EMCN: variants seen among roughly 807,000 people sequenced by gnomAD.
EMCN encodes the protein MUC-14.
Under a neutral mutation model 38.4 loss-of-function variants are expected in EMCN, and 37 were observed. That is an observed-to-expected ratio of 0.96 (90% CI 0.74 to 1.27). EMCN has a LOEUF of 1.27. EMCN is among the 50% of genes most tolerant of loss of function. The pLI, the probability that EMCN is intolerant of heterozygous loss-of-function variation, is 0.00. For missense variants in EMCN, 318 were observed against 302.8 expected (o/e 1.05, Z -0.37); for synonymous variants, 95 against 100.8 (o/e 0.94, Z 0.35).
intron 5 of EMCN, among the ~76,000 whole-genome samples, chr4:100,426,144 A>G (rs1417739855): frequency 6.6e-6 from 1 of 152,168 alleles, no homozygotes; most frequent in African/African-American, 2.4e-5. Flanking sequence ...TTTTAAAGAC[A>G]GAAGACCTAT....
intron 1 of EMCN, among the ~76,000 whole-genome samples, chr4:100,489,374 GAA>G (rs1296005105): frequency 6.6e-6 from 1 of 152,030 alleles, no homozygotes; most frequent in Non-Finnish European, 1.5e-5. Context: ...ATTTTTTGAG[GAA>G]CCTCCATACA....
intron 4 of EMCN, among the ~76,000 whole-genome samples, chr4:100,449,715 C>G (rs1039846057): frequency 2.0e-5 from 3 of 151,882 alleles, no homozygotes; most frequent in African/African-American, 7.2e-5. Flanking sequence ...TGTAATAATT[C>G]TAGAGGAACA....
At chr4:100,431,884 GT>G (rs1334984473) in intron 5 of EMCN, among the ~76,000 whole-genome samples, 1 of 151,804 alleles carries the variant, frequency 6.6e-6, no homozygotes, top group Non-Finnish European at 1.5e-5. Flanking sequence ...TAATACAGTT[GT>G]TTTCCCCAGA....
At chr4:100,445,802 T>TAAG (rs1727654780) in intron 5 of EMCN, among the ~76,000 whole-genome samples, 1 of 152,206 alleles carries the variant, frequency 6.6e-6, no homozygotes, top group South Asian at 2.1e-4. Context: ...ATTTAGTCTT[T>TAAG]AGCTGCAATT....
intron 2 of EMCN, among the ~76,000 whole-genome samples, chr4:100,476,926 A>T (rs953116894): frequency 6.6e-6 from 1 of 152,188 alleles, no homozygotes; most frequent in Admixed American, 6.5e-5. Context: ...GGGTACCCAA[A>T]CTCATTTTTT....
intron 3 of EMCN, among the ~76,000 whole-genome samples, chr4:100,465,944 G>T (rs900716593): frequency 2.0e-5 from 3 of 152,162 alleles, no homozygotes; most frequent in Admixed American, 2.0e-4. Context: ...CCTGGGAAAA[G>T]AAAGGTAAGG....
rs537840529 is a variant in EMCN, at chr4:100,430,172, A to C, written c.416-6768T>G. ...CTAAGTGTCTTACAACTATTAACAC[A>C]CTTAATTATTGTATTATTAGTATTT... On this transcript the variant is annotated intron_variant, in intron 5 of 11. Transcript: ENST00000296420. Among the ~76,000 whole-genome samples, 4 of 152,268 alleles carry C rather than the reference A, an allele frequency of 2.6e-5. No individual in the cohort carries two copies. In the East Asian group the frequency reaches 5.8e-4, roughly 22 times the overall value.
intron 5 of EMCN, among the ~76,000 whole-genome samples, chr4:100,429,834 A>G (rs1727148940): frequency 6.6e-6 from 1 of 152,162 alleles, no homozygotes; most frequent in Non-Finnish European, 1.5e-5. Context: ...CTGTGTTTTA[A>G]AGATGAGAGA....
At chr4:100,460,221 C>T (rs1414039625) in intron 4 of EMCN, among the ~76,000 whole-genome samples, 1 of 151,972 alleles carries the variant, frequency 6.6e-6, no homozygotes, top group Non-Finnish European at 1.5e-5. Flanking sequence ...ATTTGTATGT[C>T]TTTTTTTGTG....
At chr4:100,493,399 G>T (rs1729135205) in intron 1 of EMCN, among the ~76,000 whole-genome samples, 1 of 152,122 alleles carries the variant, frequency 6.6e-6, no homozygotes, top group Non-Finnish European at 1.5e-5. Flanking sequence ...TGCAAATTGG[G>T]CTCATGTGGC....
intron 1 of EMCN, 89 bp from the exon 2 acceptor site, chr4:100,480,128 G>A: frequency 4.2e-6 from 5 of 1,178,056 alleles, no homozygotes; most frequent in Non-Finnish European, 5.8e-6. Flanking sequence ...CTGGTCAGTA[G>A]AATGTGAATT....
At chr4:100,426,756 T>G (rs554278290) in intron 5 of EMCN, among the ~76,000 whole-genome samples, 33 of 152,260 alleles carry the variant, frequency 2.2e-4, no homozygotes, top group East Asian at 1.9e-4. Context: ...CCATTTTTTT[T>G]GGGAAGCCTA....
chr4:100,486,594 T>C (rs149097241), intron 1 of EMCN, among the ~76,000 whole-genome samples: 2 of 152,280 alleles, frequency 1.3e-5, no homozygotes, highest in Admixed American at 6.5e-5. Flanking sequence ...AATATTTAGA[T>C]AAGTGGGAGA....
intron 1 of EMCN, among the ~76,000 whole-genome samples, chr4:100,480,658 C>G (rs1728783027): frequency 6.6e-6 from 1 of 151,678 alleles, no homozygotes; most frequent in Admixed American, 6.6e-5. Flanking sequence ...CTGCAACATA[C>G]TTAAAAGTAA....
chr4:100,415,199 A>G (rs1252632164), intron 10 of EMCN, among the ~76,000 whole-genome samples: 1 of 152,206 alleles, frequency 6.6e-6, no homozygotes, highest in Non-Finnish European at 1.5e-5. Context: ...TCCCGGCCAG[A>G]TTATTTTATA....
intron 10 of EMCN, 97 bp from the exon 11 acceptor site, chr4:100,410,452 C>G: frequency 3.3e-6 from 4 of 1,216,784 alleles, no homozygotes; most frequent in Non-Finnish European, 4.8e-6. Flanking sequence ...AAGGAAAGTT[C>G]AACTTTCCTG....
chr4:100,404,355 G>C lies in EMCN; in HGVS notation c.*39+5927C>G, dbSNP rs145081865. On this transcript the variant is annotated intron_variant, in intron 11 of 11. Transcript: ENST00000296420. ...TTATTGTCAGCTTTGTTAAAGATGAGATGGTTATACGTGTGTGGCATTATT... is the reference window on the plus strand; with the variant it reads ...TTATTGTCAGCTTTGTTAAAGATGACATGGTTATACGTGTGTGGCATTATT... Among the ~76,000 whole-genome samples the C allele has an allele frequency of 5.3e-3, 800 of 152,242 alleles. 11 individuals carry two copies. The highest frequency in any genetic ancestry group is 0.018 in the African/African-American group (761 of 41,558).
At chr4:100,424,004 C>T (rs960840842) in intron 5 of EMCN, among the ~76,000 whole-genome samples, 2 of 151,630 alleles carry the variant, frequency 1.3e-5, no homozygotes, top group Non-Finnish European at 1.5e-5. Flanking sequence ...AGCATCCGTG[C>T]TCTTTTTTTT....
chr4:100,482,357 TC>T (rs1390971240), intron 1 of EMCN, among the ~76,000 whole-genome samples: 1 of 152,096 alleles, frequency 6.6e-6, no homozygotes, highest in Non-Finnish European at 1.5e-5. Context: ...AAAATACATT[TC>T]TTAATGTGAT....
Sources: gnomAD v4.1 joint callset for allele counts (sites outside exome capture counted in the v4.1 genomes callset) on GRCh38, gnomAD v4.1.1 for gene constraint, MANE v1.5 for transcripts, NCBI Gene and HGNC (gene_info 2026-07-23, HGNC 2026-07-21) for gene names.